CSF1R: variants seen among roughly 807,000 people sequenced by gnomAD.
CSF1R encodes colony stimulating factor 1 receptor.
A neutral mutation model predicts 110.0 loss-of-function variants in CSF1R; 40 were observed. That is an observed-to-expected ratio of 0.36 (90% CI 0.28 to 0.47). The LOEUF (loss-of-function observed/expected upper bound fraction) is 0.47, where lower values mean the gene tolerates loss of function less well. Ranked by LOEUF, CSF1R falls within the 20% of genes least tolerant of loss-of-function variation. The probability of loss-of-function intolerance (pLI) is 0.99; values close to 1 mark genes in which losing one functional copy is unlikely to be tolerated. For synonymous variants in CSF1R, 523 were observed against 503.4 expected (o/e 1.04, Z -0.52); for missense variants, 1,052 against 1,253.0 (o/e 0.84, Z 2.42).
chr5:150,075,314 C>G (rs77670958), intron 5 of CSF1R, among the ~76,000 whole-genome samples: 3,821 of 152,300 alleles, frequency 0.025, 144 homozygotes, highest in African/African-American at 0.084. Flanking sequence ...GTCCACCCAC[C>G]ATCAGCTCCA....
intron 1 of CSF1R, among the ~76,000 whole-genome samples, chr5:150,111,348 G>A (rs568268622): frequency 6.6e-6 from 1 of 152,156 alleles, no homozygotes; most frequent in Non-Finnish European, 1.5e-5. Flanking sequence ...CAGCTCACCC[G>A]TCTTCCCTGG....
intron 2 of CSF1R, 135 bp downstream of exon 2, chr5:150,080,632 C>A: frequency 8.8e-7 from 1 of 1,141,254 alleles, no homozygotes; most frequent in South Asian, 1.6e-5. Flanking sequence ...ATTACATTAG[C>A]AGCTCTTCCA....
chr5:150,075,060 C>T (rs923485857), intron 5 of CSF1R, among the ~76,000 whole-genome samples: 12 of 152,142 alleles, frequency 7.9e-5, no homozygotes, highest in African/African-American at 1.4e-4. Flanking sequence ...TCACTCCACT[C>T]GACTTTTGCT....
chr5:150,086,555 G>T, upstream of CSF1R: 5 of 861,410 alleles, frequency 5.8e-6, no homozygotes, highest in African/African-American at 3.3e-5. Context: ...CTGGCTGTTT[G>T]TCTTGTTTTC....
At chr5:150,076,479 C>A (rs1336855597) in intron 5 of CSF1R, among the ~76,000 whole-genome samples, 1 of 152,160 alleles carries the variant, frequency 6.6e-6, no homozygotes, top group East Asian at 1.9e-4. Flanking sequence ...TAGTCCTTGG[C>A]AGACTCAGGT....
At chr5:150,057,014 C>G (rs1377261838) in intron 16 of CSF1R, among the ~76,000 whole-genome samples, 1 of 152,176 alleles carries the variant, frequency 6.6e-6, no homozygotes, top group East Asian at 1.9e-4. Flanking sequence ...ACTGTTGTCT[C>G]TCATACACTA....
chr5:150,064,335 G>A (rs369291758), intron 10 of CSF1R, among the ~76,000 whole-genome samples: 1 of 152,230 alleles, frequency 6.6e-6, no homozygotes, highest in East Asian at 1.9e-4. Flanking sequence ...CAGGGAGAAA[G>A]CTTCCAGCTA....
Position 150,054,119 on chromosome 5 carries a change from C to G in CSF1R, c.2869G>C (p.Gly957Arg), listed in dbSNP as rs1469140405. The G allele has an allele frequency of 9.3e-6, 15 of 1,613,974 alleles. No homozygotes were observed. Among genetic ancestry groups the G allele is most frequent in the Non-Finnish European group, 1.3e-5 (15 of 1,180,026 alleles). ...SSEHLTCCEQ[G>R]DIAQPLLQPN... Reference sequence around the variant, plus strand: ...TGCAGCAAGGGCTGGGCGATATCCCCTTGCTCGCAGCAGGTCAGGTGCTCA... The same window carrying G: ...TGCAGCAAGGGCTGGGCGATATCCCGTTGCTCGCAGCAGGTCAGGTGCTCA... Residue 957 changes from glycine (G) to arginine (R), a missense_variant, in exon 21 of 21, where the codon GGG becomes CGG. Physicochemically the swap from Gly to Arg is moderately radical, Grantham distance 125. Transcript: ENST00000675795.
At chr5:150,057,411 G>T (rs772862480) in intron 15 of CSF1R, 27 bp from the exon 16 acceptor site, 10 of 1,611,486 alleles carry the variant, frequency 6.2e-6, no homozygotes, top group East Asian at 2.2e-5. Flanking sequence ...CGTCAGGGCA[G>T]CCCTGCCACA....
intron 1 of CSF1R, among the ~76,000 whole-genome samples, chr5:150,108,913 C>A (rs1759628393): frequency 6.6e-6 from 1 of 152,066 alleles, no homozygotes; most frequent in South Asian, 2.1e-4. Context: ...GGAGACAGTT[C>A]GGCTTCTGTG....
At position 150,081,299 on chromosome 5, in the gene CSF1R, G is replaced by A. The variant is rs147280452; in HGVS notation, c.50-275C>T. 1.5e-4 allele frequency among the ~76,000 whole-genome samples: 23 copies of A among 152,244 alleles called. 1 individual carries two copies. The East Asian group carries it at 4.4e-3, about 29-fold the overall frequency. On this transcript the variant is annotated intron_variant, in intron 1 of 20. Transcript: ENST00000675795. ...TCACCCAGGCCTCTGTCCCCCTGGG[G>A]TCCTCAGCCTCCTGCCTCAGTCTTC...
In CSF1R at chr5:150,085,277, G is replaced by GAAAAAAAAAAAAAAAA. The variant is rs70973563; in HGVS notation, c.49+1086_49+1101dup. On this transcript the variant is annotated intron_variant, in intron 1 of 20. Transcript: ENST00000675795. ...GTGACAGAGAGAGACTCTGTCTCAG[G>GAAAAAAAAAAAAAAAA]AAAAAAAAAAAAAAAACCCAAATAC... Among the ~76,000 whole-genome samples, 721 of 92,252 alleles carry GAAAAAAAAAAAAAAAA rather than the reference G, an allele frequency of 7.8e-3. 33 individuals carry two copies. Among genetic ancestry groups the GAAAAAAAAAAAAAAAA allele is most frequent in the Non-Finnish European group, 0.01 (495 of 49,366 alleles). The allele number at this position is 92,252 out of a possible 152,430, so 60.5% of individuals were successfully genotyped here. A position where few individuals can be genotyped will look rare whatever the true frequency, so the allele number is the denominator to read the frequency against.
chr5:150,080,080 G>A lies in CSF1R; in HGVS notation c.564C>T (p.Ser188=). The A allele has an allele frequency of 6.2e-7, 1 of 1,614,018 alleles. No individual in the cohort carries two copies. The highest frequency in any genetic ancestry group is 2.2e-5 in the East Asian group (1 of 44,880). Residue 188 remains serine, a synonymous_variant, in exon 3 of 21, where the codon TCC becomes TCT. Transcript: ENST00000675795. ...TCTGCACTTTCAGCCGGATGCTGATGGACATCACCTTCCTGCCACCCATCA... is the reference window on the plus strand; with the variant it reads ...TCTGCACTTTCAGCCGGATGCTGATAGACATCACCTTCCTGCCACCCATCA... ...SALMGGRKVM[S]ISIRLKVQKV... is the part of the protein sequence containing the mutation.
chr5:150,083,798 A>G (rs977845461), intron 1 of CSF1R, among the ~76,000 whole-genome samples: 1 of 152,196 alleles, frequency 6.6e-6, no homozygotes, highest in African/African-American at 2.4e-5. Flanking sequence ...CAGCTCCTCT[A>G]TGTTCACTTT....
At chr5:150,111,975 C>T (rs1270663480) in intron 1 of CSF1R, among the ~76,000 whole-genome samples, 1 of 152,180 alleles carries the variant, frequency 6.6e-6, no homozygotes, top group Non-Finnish European at 1.5e-5. Flanking sequence ...CTAAATGACA[C>T]GCTGGTGATC....
At chr5:150,069,837 C>A (rs1052578661) in intron 9 of CSF1R, 36 bp downstream of exon 9, 3 of 1,369,308 alleles carry the variant, frequency 2.2e-6, no homozygotes, top group South Asian at 1.4e-5. Flanking sequence ...GGGGGGCGGG[C>A]GGGGGGGCGG....
At position 150,054,018 on chromosome 5, in the gene CSF1R, A is replaced by G. The variant is rs760744409; in HGVS notation, c.*51T>C. 1 of 1,570,984 alleles carries G rather than the reference A, an allele frequency of 6.4e-7. No individual in the cohort carries two copies. Among genetic ancestry groups the G allele is most frequent in the Non-Finnish European group, 8.7e-7 (1 of 1,145,462 alleles). Reference sequence around the variant, plus strand: ...TCTCCCCGTGTCGCCCCATCCATGGAGGAGTTGAAGTTTGTGGGAGGGGAG... The same window carrying G: ...TCTCCCCGTGTCGCCCCATCCATGGGGGAGTTGAAGTTTGTGGGAGGGGAG... On this transcript the variant is annotated 3_prime_UTR_variant, in exon 21 of 21. Transcript: ENST00000675795.
At chr5:150,083,349 AACACAC>A (rs59055324) in intron 1 of CSF1R, among the ~76,000 whole-genome samples, 22,630 of 106,180 alleles carry the variant, frequency 0.21, 2,445 homozygotes, top group Non-Finnish European at 0.26. Context: ...CTTCTCTCCC[AACACAC>A]ACACACACAC....
intron 3 of CSF1R, 42 bp from the exon 4 acceptor site, chr5:150,078,290 A>G (rs369908270): frequency 5.4e-5 from 87 of 1,609,862 alleles, no homozygotes; most frequent in Non-Finnish European, 7.2e-5. Flanking sequence ...AGGCTCCCTG[A>G]ACATGATAGA....
Sources: allele counts gnomAD v4.1 joint callset (sites outside exome capture counted in the v4.1 genomes callset), GRCh38; gene constraint gnomAD v4.1.1; transcripts MANE v1.5; gene names NCBI Gene and HGNC (gene_info 2026-07-23, HGNC 2026-07-21).